FBRSL1: variants seen among roughly 807,000 people sequenced by gnomAD.
The protein encoded by FBRSL1 is fibrosin like 1.
Under a neutral mutation model 89.6 loss-of-function variants are expected in FBRSL1, and 51 were observed. The ratio of observed to expected loss-of-function variants is 0.57; its 90% CI spans 0.45 to 0.72. The LOEUF (loss-of-function observed/expected upper bound fraction) is 0.72. Ranked by LOEUF, FBRSL1 falls within the 30% of genes least tolerant of loss-of-function variation. The probability of loss-of-function intolerance (pLI) is 0.00; values close to 1 mark genes in which losing one functional copy is unlikely to be tolerated. For synonymous variants in FBRSL1, 779 were observed against 681.1 expected (o/e 1.14, Z -2.24); for missense variants, 1,618 against 1,451.8 (o/e 1.11, Z -1.86).
intron 5 of FBRSL1, among the ~76,000 whole-genome samples, chr12:132,564,437 C>T (rs1016022411): frequency 3.0e-5 from 3 of 99,648 alleles, no homozygotes; most frequent in African/African-American, 1.9e-4. Flanking sequence ...ACCAGTGCCC[C>T]TCTGGGCTGG....
intron 4 of FBRSL1, among the ~76,000 whole-genome samples, chr12:132,530,941 T>C (rs1357831402): frequency 1.5e-5 from 2 of 137,136 alleles, no homozygotes; most frequent in Non-Finnish European, 3.1e-5. Context: ...CTTGGTCCAG[T>C]GTGGCCCTCA....
Position 132,546,932 on chromosome 12 carries a change from C to T in FBRSL1, c.616-1071C>T, listed in dbSNP as rs1454677997. On this transcript the variant is annotated intron_variant, in intron 4 of 18. Transcript: ENST00000680143. This position sits in a 1 kb window ranked among gnomAD's most constrained non-coding sequence, Gnocchi z 4.0. The stretch of plus-strand genomic sequence containing the variant: ...GGGTGGCTGTGCGTTTGGTTCCCTG[C>T]ATTAACCCAGTGGGCTCCACATAGG... 1.3e-5 allele frequency among the ~76,000 whole-genome samples: 2 copies of T among 152,250 alleles called. No individual in the cohort carries two copies. The highest frequency in any genetic ancestry group is 3.8e-4 in the East Asian group (2 of 5,198).
chr12:132,497,882 T>G (rs2032300024), intron 1 of FBRSL1, among the ~76,000 whole-genome samples: 1 of 152,142 alleles, frequency 6.6e-6, no homozygotes, highest in Non-Finnish European at 1.5e-5. Context: ...TGGCGTGCGA[T>G]GTGTGTGTTT....
At chr12:132,510,692 C>T in intron 2 of FBRSL1, 1 of 1,224,466 alleles carries the variant, frequency 8.2e-7, no homozygotes, top group Non-Finnish European at 1.0e-6. Context: ...AGAGATGAAC[C>T]CGCGTCTGCC....
At chr12:132,512,216 C>G (rs2034423374) in intron 2 of FBRSL1, among the ~76,000 whole-genome samples, 1 of 152,252 alleles carries the variant, frequency 6.6e-6, no homozygotes. Flanking sequence ...GGGTCGAGAC[C>G]CCCCTCTCGG....
Position 132,492,357 on chromosome 12 carries a change from CCTT to C in FBRSL1, c.291+1500_291+1502del, listed in dbSNP as rs1400423150. Among the ~76,000 whole-genome samples the C allele has an allele frequency of 3.3e-5, 5 of 152,334 alleles. No homozygotes were observed. In the East Asian group the frequency reaches 7.7e-4, roughly 23 times the overall value. ...CCCCCACCCCCGTCGACGTTGCCCA[CCTT>C]CTTTTTGTCATCCCCACTCTGCAAA... On this transcript the variant is annotated intron_variant, in intron 1 of 18. Transcript: ENST00000680143.
chr12:132,506,284 C>T (rs2033674209), intron 1 of FBRSL1, among the ~76,000 whole-genome samples: 1 of 152,210 alleles, frequency 6.6e-6, no homozygotes, highest in Non-Finnish European at 1.5e-5. Context: ...CAGAGTAACA[C>T]TAGAGCAGGT....
chr12:132,510,848 C>A, intron 2 of FBRSL1: 1 of 1,060,982 alleles, frequency 9.4e-7, no homozygotes, highest in Non-Finnish European at 1.1e-6. Flanking sequence ...CTTTCTGTGC[C>A]TCTGAATTGC....
At position 132,582,964 on chromosome 12, in the gene FBRSL1, C is replaced by G; in HGVS notation, c.2202-7C>G. 7.1e-7 allele frequency: 1 copy of G among 1,408,796 alleles called. No homozygotes were observed. The highest frequency in any genetic ancestry group is 1.5e-5 in the South Asian group (1 of 67,196). 87.3% of individuals were successfully genotyped at this position (1,408,796 alleles called of 1,614,324 possible). A position where few individuals can be genotyped will look rare whatever the true frequency, so the allele number is the denominator to read the frequency against. The stretch of plus-strand genomic sequence containing the variant: ...CGGGAGTGACGGGTCCGCCCTGCCG[C>G]CCCCAGGGACCTCCTGGAGAAGACG... On this transcript the variant is annotated splice_polypyrimidine_tract_variant and splice_region_variant and intron_variant, in intron 18 of 18. Coordinates refer to ENST00000680143, the MANE Select transcript of FBRSL1 (RefSeq NM_001367871.1).
chr12:132,572,471 C>T, intron 10 of FBRSL1, 56 bp from the exon 11 acceptor site: 4 of 1,497,704 alleles, frequency 2.7e-6, no homozygotes, highest in East Asian at 2.5e-5. Flanking sequence ...TGGTTACAGG[C>T]AGAGGGTGGG....
chr12:132,567,592 C>A, intron 6 of FBRSL1, 66 bp downstream of exon 6: 1 of 1,470,078 alleles, frequency 6.8e-7, no homozygotes, highest in Non-Finnish European at 9.3e-7. Flanking sequence ...TGCGTCTTGG[C>A]GGCAGGACAT....
chr12:132,577,031 C>G, intron 15 of FBRSL1, 100 bp downstream of exon 15: 2 of 1,435,036 alleles, frequency 1.4e-6, no homozygotes, highest in South Asian at 1.4e-5. Context: ...CTCTCTGGAC[C>G]GCAGCACCAG....
chr12:132,520,890 G>A (rs577914845), intron 2 of FBRSL1, among the ~76,000 whole-genome samples: 2 of 152,334 alleles, frequency 1.3e-5, no homozygotes, highest in East Asian at 3.9e-4. Context: ...TTCGGGGACG[G>A]CTTTGTGGGC....
chr12:132,536,020 GGT>G (rs2036697700), intron 4 of FBRSL1, among the ~76,000 whole-genome samples: 1 of 151,894 alleles, frequency 6.6e-6, no homozygotes, highest in Admixed American at 6.6e-5. Flanking sequence ...GTTTGTACAT[GGT>G]GTGTTGTTTA....
At chr12:132,491,047 A>G (rs1380104203) in intron 1 of FBRSL1, among the ~76,000 whole-genome samples, 186 bp downstream of exon 1, 1 of 152,232 alleles carries the variant, frequency 6.6e-6, no homozygotes, top group African/African-American at 2.4e-5. Context: ...AGACCGTCGC[A>G]TCTGGAAGAC....
At chr12:132,534,403 C>T (rs1235108448) in intron 4 of FBRSL1, among the ~76,000 whole-genome samples, 3 of 152,252 alleles carry the variant, frequency 2.0e-5, no homozygotes, top group African/African-American at 7.2e-5. Context: ...GAGACCTCGC[C>T]TCCATCTGCA....
chr12:132,515,793 G>A (rs1302064595), intron 2 of FBRSL1, among the ~76,000 whole-genome samples: 1 of 151,520 alleles, frequency 6.6e-6, no homozygotes, highest in Non-Finnish European at 1.5e-5. Context: ...CCAGCTGCTT[G>A]GGAGGCTGAG....
chr12:132,569,970 A>C lies in FBRSL1; in HGVS notation c.736A>C (p.Lys246Gln), dbSNP rs1385360353. ...GGAGGCCAAGGCCGGGCCGGTGCCCAAGGTGTCAGGCCTGGAGCGCAGCCG... is the reference window on the plus strand; with the variant it reads ...GGAGGCCAAGGCCGGGCCGGTGCCCCAGGTGTCAGGCCTGGAGCGCAGCCG... ...KSEAKAGPVP[K>Q]VSGLERSREL... The change falls in exon 7 of 19, where the codon AAG becomes CAG. Residue 246 changes from lysine to glutamine, a missense_variant. Physicochemically the swap from Lys to Gln is moderately conservative, Grantham distance 53 (BLOSUM62 1). Coordinates refer to ENST00000680143, the MANE Select transcript of FBRSL1 (RefSeq NM_001367871.1). 3 of 1,453,880 alleles carry C rather than the reference A, an allele frequency of 2.1e-6. No individual in the cohort carries two copies. The highest frequency in any genetic ancestry group is 1.4e-5 in the South Asian group (1 of 72,300). The allele number at this position is 1,453,880 out of a possible 1,614,324, so 90.1% of individuals were successfully genotyped here.
In FBRSL1 at chr12:132,580,678, A is replaced by C. The variant is rs952141453; in HGVS notation, c.1835-761A>C. The C allele has an allele frequency of 5.9e-6, 4 of 679,288 alleles. No homozygotes were observed. In the African/African-American group the frequency reaches 7.8e-5, roughly 13 times the overall value. 42.1% of individuals were successfully genotyped at this position (679,288 alleles called of 1,614,324 possible). On this transcript the variant is annotated intron_variant, in intron 15 of 18. Transcript: ENST00000680143. Reference sequence around the variant, plus strand: ...GCTCAGTGGAGACCAGAAGCTCTGAATACAACTTGCCGCGTCCTACATGGG... The same window carrying C: ...GCTCAGTGGAGACCAGAAGCTCTGACTACAACTTGCCGCGTCCTACATGGG...
Sources: allele counts gnomAD v4.1 joint callset (sites outside exome capture counted in the v4.1 genomes callset), GRCh38; gene constraint gnomAD v4.1.1; non-coding constraint Gnocchi (gnomAD v3.1); transcripts MANE v1.5; gene names NCBI Gene and HGNC (gene_info 2026-07-23, HGNC 2026-07-21).